TENM3: variants seen among roughly 807,000 people sequenced by gnomAD.
TENM3 encodes teneurin-3.
TENM3 carries 63 observed loss-of-function variants against 255.1 expected under a neutral mutation model. The ratio of observed to expected loss-of-function variants is 0.25; its 90% CI spans 0.20 to 0.30. The LOEUF is 0.30. TENM3 is among the 10% of genes least tolerant of loss of function. TENM3 has a pLI of 1.00. For synonymous variants in TENM3, 1,306 were observed against 1,322.3 expected, an observed-to-expected ratio of 0.99 and a Z score of 0.27; for missense variants, 2,929 against 3,461.1, an observed-to-expected ratio of 0.85 and a Z score of 3.86.
intron 3 of TENM3, among the ~76,000 whole-genome samples, chr4:182,493,387 T>C (rs1735481725): frequency 6.6e-6 from 1 of 152,162 alleles, no homozygotes; most frequent in Non-Finnish European, 1.5e-5. Context: ...TAGGATTTCA[T>C]TTTGTTGGAA....
At chr4:181,528,739 G>A in the TENM3 span, among the ~76,000 whole-genome samples, 7 of 152,208 alleles carry the variant, frequency 4.6e-5, no homozygotes, top group East Asian at 1.4e-3. Context: ...TGGCTGCAAA[G>A]CCTGCACTCT....
chr4:182,585,059 A>G (rs888610595), intron 3 of TENM3, among the ~76,000 whole-genome samples: 6 of 152,264 alleles, frequency 3.9e-5, no homozygotes, highest in African/African-American at 1.4e-4. Context: ...CCTAAAAGAA[A>G]TACGGCAAAA....
intron 3 of TENM3, among the ~76,000 whole-genome samples, chr4:182,429,649 T>C (rs943710396): frequency 1.3e-5 from 2 of 152,250 alleles, no homozygotes; most frequent in African/African-American, 2.4e-5. Flanking sequence ...TTTTGAAGTT[T>C]GGAAAATTTC....
chr4:182,729,238 A>G (rs1354745554), intron 14 of TENM3, 57 bp downstream of exon 14: 4 of 1,419,706 alleles, frequency 2.8e-6, no homozygotes, highest in Non-Finnish European at 3.0e-6. Context: ...AGTTACATAC[A>G]CTTATGTGAA....
intron 3 of TENM3, among the ~76,000 whole-genome samples, chr4:182,504,241 C>T (rs1736599360): frequency 6.6e-6 from 1 of 150,774 alleles, no homozygotes; most frequent in African/African-American, 2.4e-5. Context: ...CATCCATTTT[C>T]TTTGGTTTTT....
intron 1 of TENM3, among the ~76,000 whole-genome samples, chr4:182,210,772 G>A (rs1298491146): frequency 1.3e-5 from 2 of 152,006 alleles, no homozygotes; most frequent in Non-Finnish European, 2.9e-5. Context: ...ACTCTATTTT[G>A]CCAAGCAGGT....
chr4:181,560,471 A>C, the TENM3 span, among the ~76,000 whole-genome samples: 6 of 152,150 alleles, frequency 3.9e-5, no homozygotes, highest in Admixed American at 2.6e-4. Context: ...AAATTCGAAC[A>C]CTAGAGAAGG....
chr4:181,603,194 T>G, the TENM3 span, among the ~76,000 whole-genome samples: 2 of 152,190 alleles, frequency 1.3e-5, no homozygotes, highest in South Asian at 4.1e-4. Context: ...TGACTCTATA[T>G]GAAGCAGTAG....
chr4:181,947,104 T>C, the TENM3 span, among the ~76,000 whole-genome samples: 1 of 152,214 alleles, frequency 6.6e-6, no homozygotes, highest in Non-Finnish European at 1.5e-5. Context: ...TATTTCTTTT[T>C]ACCAGAGTTG....
the TENM3 span, among the ~76,000 whole-genome samples, chr4:182,137,714 T>C: frequency 6.6e-6 from 1 of 152,206 alleles, no homozygotes; most frequent in Admixed American, 6.5e-5. Context: ...CTTAAAACTT[T>C]TCTTTTTTCA....
At chr4:181,934,212 A>C in the TENM3 span, among the ~76,000 whole-genome samples, 3 of 152,078 alleles carry the variant, frequency 2.0e-5, no homozygotes, top group African/African-American at 7.2e-5. Flanking sequence ...CTCGATTAGG[A>C]CTCACATTGC....
intron 12 of TENM3, among the ~76,000 whole-genome samples, chr4:182,693,804 A>C (rs543278783): frequency 2.6e-5 from 4 of 152,356 alleles, no homozygotes; most frequent in African/African-American, 9.6e-5. Context: ...TGGGATTATT[A>C]GAATTAAATG....
the TENM3 span, among the ~76,000 whole-genome samples, chr4:181,808,587 T>G: frequency 6.6e-6 from 1 of 152,164 alleles, no homozygotes; most frequent in Non-Finnish European, 1.5e-5. Context: ...ATGCTCGAAA[T>G]ACAGAAATTT....
At chr4:182,437,129 C>T (rs35652720) in intron 3 of TENM3, among the ~76,000 whole-genome samples, 11,767 of 152,056 alleles carry the variant, frequency 0.077, 601 homozygotes, top group Non-Finnish European at 0.12. Context: ...TATCTTAACA[C>T]ACCAAATGTT....
the TENM3 span, among the ~76,000 whole-genome samples, chr4:181,973,992 G>A: frequency 1.1e-4 from 17 of 152,294 alleles, no homozygotes; most frequent in Non-Finnish European, 2.1e-4. Context: ...CCATAATGCC[G>A]GCCTACTCCC....
intron 3 of TENM3, among the ~76,000 whole-genome samples, chr4:182,561,298 T>C (rs1743148257): frequency 6.6e-6 from 1 of 151,694 alleles, no homozygotes; most frequent in Non-Finnish European, 1.5e-5. Flanking sequence ...AAAAATGATT[T>C]TAAAAATTAA....
intron 3 of TENM3, among the ~76,000 whole-genome samples, chr4:182,431,948 T>A (rs1282030729): frequency 6.6e-6 from 1 of 150,738 alleles, no homozygotes; most frequent in Non-Finnish European, 1.5e-5. Context: ...TGGTGGCGGG[T>A]GCCTGTAATC....
At chr4:181,547,766 C>CT in the TENM3 span, among the ~76,000 whole-genome samples, 31 of 150,992 alleles carry the variant, frequency 2.1e-4, no homozygotes, top group African/African-American at 4.4e-4. Context: ...GATATCCCAA[C>CT]TTTTTTTTTA....
chr4:182,662,014 C>T (rs915237909), intron 6 of TENM3, among the ~76,000 whole-genome samples: 5 of 152,124 alleles, frequency 3.3e-5, no homozygotes, highest in Non-Finnish European at 5.9e-5. Flanking sequence ...TACCAAACCT[C>T]CTAATTACCA....
Sources: gnomAD v4.1 joint callset for allele counts (sites outside exome capture counted in the v4.1 genomes callset) on GRCh38, gnomAD v4.1.1 for gene constraint, MANE v1.5 for transcripts, NCBI Gene and HGNC (gene_info 2026-07-23, HGNC 2026-07-21) for gene names.